Variants in MBOAT2 observed in about 807,000 individuals in gnomAD.
MBOAT2 encodes the protein membrane-bound glycerophospholipid O-acyltransferase 2.
In MBOAT2, 28 loss-of-function variants were observed where a neutral mutation model predicts 63.4. The ratio of observed to expected loss-of-function variants is 0.44; its 90% CI spans 0.33 to 0.61. The LOEUF is 0.61. Among genes scored for constraint, MBOAT2 ranks in the 20% least tolerant of loss-of-function variants. MBOAT2 has a pLI of 0.03. For missense variants in MBOAT2, 470 were observed against 605.8 expected, an observed-to-expected ratio of 0.78 and a Z score of 2.35; for synonymous variants, 211 against 215.6, an observed-to-expected ratio of 0.98 and a Z score of 0.19.
Position 8,873,266 on chromosome 2 carries a change from A to G in MBOAT2, c.725T>C (p.Leu242Pro). ...AVVQKLLVCG[L>P]SLLFHLTICT... ...GATGGTCAAGTGAAATAACAAGGACAGCCCACAAACTAAGAGCTTCTGAAC... is the reference window on the plus strand; with the variant it reads ...GATGGTCAAGTGAAATAACAAGGACGGCCCACAAACTAAGAGCTTCTGAAC... Residue 242 changes from leucine to proline, a missense_variant, in exon 8 of 13, where the codon CTG becomes CCG. Leu to Pro is a moderately conservative substitution (Grantham distance 98, BLOSUM62 -3). Around this residue, in one of 3 missense-constraint regions of MBOAT2, gnomAD observed 376 missense variants for 503.8 expected, o/e 0.75. Coordinates refer to ENST00000305997, the MANE Select transcript of MBOAT2 (RefSeq NM_138799.4). 3 of 1,614,124 alleles carry G rather than the reference A, an allele frequency of 1.9e-6. No homozygotes were observed. Among genetic ancestry groups the G allele is most frequent in the Non-Finnish European group, 2.5e-6 (3 of 1,179,964 alleles).
At chr2:8,947,723 A>T (rs2103249685) in intron 2 of MBOAT2, among the ~76,000 whole-genome samples, 1 of 152,328 alleles carries the variant, frequency 6.6e-6, no homozygotes, top group South Asian at 2.1e-4. Context: ...CCTTGTCGAG[A>T]TCCATTGCTC....
intron 1 of MBOAT2, among the ~76,000 whole-genome samples, chr2:8,959,339 T>C (rs769925629): frequency 3.3e-5 from 5 of 152,190 alleles, no homozygotes; most frequent in Admixed American, 6.5e-5. Context: ...TCTTGACTTA[T>C]AGAAGTGAAA....
intron 4 of MBOAT2, among the ~76,000 whole-genome samples, chr2:8,899,658 G>A (rs1214713896): frequency 1.3e-5 from 2 of 152,180 alleles, no homozygotes. Flanking sequence ...CATGGATGAG[G>A]GGGTAGCTTG....
At chr2:8,971,026 A>G (rs1197538447) in intron 1 of MBOAT2, among the ~76,000 whole-genome samples, 1 of 152,240 alleles carries the variant, frequency 6.6e-6, no homozygotes, top group African/African-American at 2.4e-5. Flanking sequence ...TGAGGCCAGG[A>G]TCATCCTGAT....
intron 3 of MBOAT2, among the ~76,000 whole-genome samples, chr2:8,914,668 G>A (rs554563323): frequency 2.0e-5 from 3 of 152,226 alleles, no homozygotes; most frequent in Admixed American, 6.5e-5. Flanking sequence ...TAGAAAGCCA[G>A]TTAGTTGTTA....
chr2:8,910,254 C>G (rs1451205034), intron 3 of MBOAT2, among the ~76,000 whole-genome samples: 1 of 151,808 alleles, frequency 6.6e-6, no homozygotes, highest in Non-Finnish European at 1.5e-5. Flanking sequence ...AATCAAGGAA[C>G]TGATCACACA....
At chr2:8,959,691 G>A (rs1349290851) in intron 1 of MBOAT2, among the ~76,000 whole-genome samples, 1 of 151,982 alleles carries the variant, frequency 6.6e-6, no homozygotes, top group African/African-American at 2.4e-5. Context: ...TTGAACTCCT[G>A]GGCTCAAACA....
chr2:8,897,012 G>A (rs971539081), intron 4 of MBOAT2, among the ~76,000 whole-genome samples: 2 of 152,188 alleles, frequency 1.3e-5, no homozygotes, highest in Admixed American at 1.3e-4. Flanking sequence ...ATAACAAGGT[G>A]GTATTGGAGT....
At chr2:8,906,870 T>A (rs1035991727) in intron 4 of MBOAT2, among the ~76,000 whole-genome samples, 1 of 152,226 alleles carries the variant, frequency 6.6e-6, no homozygotes, top group African/African-American at 2.4e-5. Context: ...TATTTTTTAA[T>A]GAAATATACG....
chr2:8,869,699 A>G (rs767891702), intron 8 of MBOAT2, among the ~76,000 whole-genome samples: 10 of 152,204 alleles, frequency 6.6e-5, no homozygotes, highest in African/African-American at 9.6e-5. Flanking sequence ...TTCAATTCAC[A>G]TAAATATGAG....
chr2:8,871,559 C>T (rs1451341713), intron 8 of MBOAT2, among the ~76,000 whole-genome samples: 1 of 152,124 alleles, frequency 6.6e-6, no homozygotes, highest in Non-Finnish European at 1.5e-5. Flanking sequence ...TTAAGTAGTA[C>T]AGGAATTTAA....
At chr2:8,963,967 G>A (rs1449373061) in intron 1 of MBOAT2, among the ~76,000 whole-genome samples, 2 of 152,170 alleles carry the variant, frequency 1.3e-5, no homozygotes, top group African/African-American at 4.8e-5. Flanking sequence ...GCACAACCAG[G>A]TACCCTTACT....
At chr2:8,920,835 AAAT>A (rs1456052750) in intron 3 of MBOAT2, among the ~76,000 whole-genome samples, 1 of 152,184 alleles carries the variant, frequency 6.6e-6, no homozygotes, top group South Asian at 2.1e-4. Flanking sequence ...TAGTATATAG[AAAT>A]ATAACTGATT....
rs369922486 is a variant in MBOAT2, at chr2:8,858,758, T to C, written c.1484A>G (p.Gln495Arg). ...KFDEGENSLGQNSFSTTNNVC... is the reference protein window; with the variant it reads ...KFDEGENSLGRNSFSTTNNVC... ...ATTGTTTGTTGTAGAAAAACTGTTCTGTCCCAAAGAATTTTCTCCTTCATC... is the reference window on the plus strand; with the variant it reads ...ATTGTTTGTTGTAGAAAAACTGTTCCGTCCCAAAGAATTTTCTCCTTCATC... Residue 495 changes from glutamine to arginine, a missense_variant, in exon 13 of 13, where the codon CAG (glutamine) becomes CGG (arginine). Coordinates refer to ENST00000305997, the MANE Select transcript of MBOAT2 (RefSeq NM_138799.4). 1.5e-5 allele frequency: 24 copies of C among 1,614,058 alleles called. No homozygotes were observed. Among genetic ancestry groups the C allele is most frequent in the Non-Finnish European group, 2.0e-5 (24 of 1,180,042 alleles).
intron 8 of MBOAT2, 42 bp from the exon 9 acceptor site, chr2:8,868,591 T>G: frequency 6.8e-7 from 1 of 1,477,032 alleles, no homozygotes; most frequent in South Asian, 1.2e-5. Flanking sequence ...AGAATCTCCA[T>G]AACAATTTAC....
intron 3 of MBOAT2, among the ~76,000 whole-genome samples, chr2:8,910,981 C>T (rs1282608709): frequency 6.6e-6 from 1 of 152,166 alleles, no homozygotes; most frequent in Non-Finnish European, 1.5e-5. Context: ...CCAAACACCA[C>T]ACAGATGCAC....
Position 8,855,105 on chromosome 2 carries a change from T to C in MBOAT2, c.*3574A>G, listed in dbSNP as rs1381083272. Reference sequence around the variant, plus strand: ...TTGCCATGCCTTCTGATTTAAGGGATTCAGAGGTTTCACTGTTATCATGAC... The same window carrying C: ...TTGCCATGCCTTCTGATTTAAGGGACTCAGAGGTTTCACTGTTATCATGAC... On this transcript the variant is annotated 3_prime_UTR_variant, in exon 13 of 13. Transcript: ENST00000305997. 1.3e-5 allele frequency: 2 copies of C among 152,226 alleles called. No individual in the cohort carries two copies. The allele number at this position is 152,226 out of a possible 1,614,324, so 9.4% of individuals were successfully genotyped here.
At chr2:8,895,289 G>A (rs919711163) in intron 4 of MBOAT2, among the ~76,000 whole-genome samples, 1 of 152,142 alleles carries the variant, frequency 6.6e-6, no homozygotes, top group Non-Finnish European at 1.5e-5. Context: ...ACAGAGTGCT[G>A]ATTGGTCCAT....
chr2:8,932,765 A>C (rs1667408918), intron 3 of MBOAT2, among the ~76,000 whole-genome samples: 1 of 152,084 alleles, frequency 6.6e-6, no homozygotes, highest in Non-Finnish European at 1.5e-5. Context: ...GAAAAAAAAA[A>C]AAACACTCAG....
Sources: gnomAD v4.1 joint callset for allele counts (sites outside exome capture counted in the v4.1 genomes callset) on GRCh38, gnomAD v4.1.1 for gene constraint, gnomAD v4.1.1 regional missense constraint, MANE v1.5 for transcripts, NCBI Gene and HGNC (gene_info 2026-07-23, HGNC 2026-07-21) for gene names.